The following CASK variants were observed in gnomAD, a reference collection of about 807,000 sequenced individuals.
The protein encoded by CASK is peripheral plasma membrane protein CASK.
In CASK, 4 loss-of-function variants were observed where a neutral mutation model predicts 82.9. That is an observed-to-expected ratio of 0.05 (90% CI 0.02 to 0.11). The LOEUF (loss-of-function observed/expected upper bound fraction) is 0.11. Among genes scored for constraint, CASK ranks in the 10% least tolerant of loss-of-function variants. The probability of loss-of-function intolerance (pLI) is 1.00; values close to 1 mark genes in which losing one functional copy is unlikely to be tolerated. For missense variants in CASK, 358 were observed against 720.9 expected, an observed-to-expected ratio of 0.50 and a Z score of 5.76; for synonymous variants, 259 against 253.5, an observed-to-expected ratio of 1.02 and a Z score of -0.20.
chrX:41,582,535 G>C (rs1003852700), intron 14 of CASK, among the ~76,000 whole-genome samples: 1 of 110,276 alleles, frequency 9.1e-6, no homozygotes, highest in African/African-American at 3.3e-5. Flanking sequence ...GGCTGGTCTC[G>C]AACTCCTGAC....
chrX:41,686,548 A>G (rs1249341685), intron 5 of CASK, among the ~76,000 whole-genome samples: 4 of 110,683 alleles, frequency 3.6e-5, no homozygotes, highest in Non-Finnish European at 7.6e-5. Flanking sequence ...AAGAACATAC[A>G]TTTCTAACAA....
Position 41,706,871 on chromosome X carries a change from T to C in CASK, c.429+32513A>G, listed in dbSNP as rs745561468. Among the ~76,000 whole-genome samples the C allele has an allele frequency of 5.4e-5, 6 of 111,686 alleles. No individual in the cohort carries two copies. In the South Asian group the frequency reaches 1.9e-3, roughly 35 times the overall value. ...AATACAAGAAACAACCAAAACAACATGACAGCTCCAAGACCAAAGTGGGAC... is the reference window on the plus strand; with the variant it reads ...AATACAAGAAACAACCAAAACAACACGACAGCTCCAAGACCAAAGTGGGAC... On this transcript the variant is annotated intron_variant, in intron 5 of 26. Transcript: ENST00000378163.
rs139684574 is a variant in CASK, at chrX:41,705,096, G to A, written c.430-33566C>T. ...ATCTGGATCAAGGGAGGTGGGGGAA[G>A]TAACTCAGAAAGAGTTATTTTATTC... On this transcript the variant is annotated intron_variant, in intron 5 of 26. Transcript: ENST00000378163. Among the ~76,000 whole-genome samples, 606 of 112,428 alleles carry A rather than the reference G, an allele frequency of 5.4e-3. 3 individuals are homozygous for A. The highest frequency in any genetic ancestry group is 0.014 in the Middle Eastern group (3 of 216).
chrX:41,680,535 A>G (rs982389891), intron 5 of CASK, among the ~76,000 whole-genome samples: 6 of 110,443 alleles, frequency 5.4e-5, no homozygotes, highest in Non-Finnish European at 9.5e-5. Flanking sequence ...TAAATCCATG[A>G]TGTGGGTACT....
chrX:41,604,539 C>A (rs1435102653), intron 12 of CASK, among the ~76,000 whole-genome samples: 3 of 108,751 alleles, frequency 2.8e-5, no homozygotes, highest in Non-Finnish European at 5.7e-5. Flanking sequence ...AGGGAGCATG[C>A]CCCTGCCAAT....
intron 3 of CASK, among the ~76,000 whole-genome samples, chrX:41,776,070 CAAAA>C (rs1388955336): frequency 9.0e-6 from 1 of 111,574 alleles, no homozygotes; most frequent in African/African-American, 3.3e-5. Context: ...AACAAAACAA[CAAAA>C]AAGTATAGTA....
chrX:41,677,898 C>T (rs763313520), intron 5 of CASK, among the ~76,000 whole-genome samples: 4 of 112,433 alleles, frequency 3.6e-5, no homozygotes, highest in East Asian at 2.8e-4. Context: ...AACAAACAAA[C>T]GAAAAACCCA....
chrX:41,708,922 C>T (rs756388636), intron 5 of CASK, among the ~76,000 whole-genome samples: 3 of 110,805 alleles, frequency 2.7e-5, no homozygotes, highest in Non-Finnish European at 5.7e-5. Context: ...AAGTTCAATA[C>T]TTTATTTGTA....
At chrX:41,919,259 T>C (rs1346762796) in intron 1 of CASK, 1 of 111,665 alleles carries the variant, frequency 9.0e-6, no homozygotes, top group Non-Finnish European at 1.9e-5. Context: ...AGTAAGCAAA[T>C]ACAGCATGCC....
chrX:41,655,394 G>A (rs1342089264), intron 8 of CASK, among the ~76,000 whole-genome samples: 3 of 110,646 alleles, frequency 2.7e-5, no homozygotes, highest in Middle Eastern at 4.2e-3. Flanking sequence ...TTTCCATCTC[G>A]GTGCATTTAC....
chrX:41,897,470 C>CT (rs1204277579), intron 1 of CASK, among the ~76,000 whole-genome samples: 1 of 111,507 alleles, frequency 9.0e-6, no homozygotes, highest in African/African-American at 3.2e-5. Flanking sequence ...TGTATAGTCC[C>CT]TTTTTTTCTC....
At chrX:41,744,950 C>A (rs1037188345) in intron 4 of CASK, among the ~76,000 whole-genome samples, 2 of 111,868 alleles carry the variant, frequency 1.8e-5, no homozygotes, top group African/African-American at 3.2e-5. Flanking sequence ...GTACAAAAAT[C>A]ATCAGAAATG....
chrX:41,818,303 A>T (rs977739198), intron 2 of CASK, among the ~76,000 whole-genome samples: 1 of 110,551 alleles, frequency 9.0e-6, no homozygotes, highest in Admixed American at 9.7e-5. Flanking sequence ...CCTGATTTCA[A>T]GACGTATAAA....
intron 3 of CASK, among the ~76,000 whole-genome samples, chrX:41,746,564 A>G (rs1294926909): frequency 9.0e-6 from 1 of 111,214 alleles, no homozygotes; most frequent in Non-Finnish European, 1.9e-5. Flanking sequence ...CATATTATAC[A>G]TATTAATGAA....
At chrX:41,766,757 C>T (rs1007113563) in intron 3 of CASK, among the ~76,000 whole-genome samples, 4 of 111,070 alleles carry the variant, frequency 3.6e-5, no homozygotes, top group East Asian at 5.7e-4. Flanking sequence ...CATGGTGACG[C>T]GCACCTGTAG....
rs766704532 is a variant in CASK at position 41,635,771 on chromosome X, T to TA, written c.915+806dup. The TA allele has an allele frequency of 3.9e-5, 4 of 102,191 alleles. No individual in the cohort carries two copies. The East Asian group carries it at 1.2e-3, about 31-fold the overall frequency. 8.4% of individuals were successfully genotyped at this position (102,191 alleles called of 1,213,427 possible). ...GAGTAGTAAGAGGGAGAAAGACACCTAGGAAGAATAAAGAAGGTGAGAAAA... is the reference window on the plus strand; with the variant it reads ...GAGTAGTAAGAGGGAGAAAGACACCTAAGGAAGAATAAAGAAGGTGAGAAAA... On this transcript the variant is annotated intron_variant, in intron 9 of 26. Transcript: ENST00000378163.
At chrX:41,606,585 G>A (rs183716395) in intron 12 of CASK, among the ~76,000 whole-genome samples, 1 of 111,708 alleles carries the variant, frequency 9.0e-6, no homozygotes, top group East Asian at 2.8e-4. Context: ...TCAGTTTGGA[G>A]ATTCAGAACC....
chrX:41,836,776 T>C (rs2070934715), intron 2 of CASK, among the ~76,000 whole-genome samples: 1 of 111,572 alleles, frequency 9.0e-6, no homozygotes, highest in African/African-American at 3.3e-5. Context: ...ACAATATCAA[T>C]TGCAAGCCAT....
intron 8 of CASK, among the ~76,000 whole-genome samples, chrX:41,649,582 TC>T (rs200564794): frequency 0.11 from 12,775 of 111,648 alleles, 711 homozygotes; most frequent in Middle Eastern, 0.18. Context: ...AGTTTCTTCA[TC>T]CTGAGTTCTA....
Sources: allele counts gnomAD v4.1 joint callset (sites outside exome capture counted in the v4.1 genomes callset), GRCh38; gene constraint gnomAD v4.1.1; transcripts MANE v1.5; gene names NCBI Gene and HGNC (gene_info 2026-07-23, HGNC 2026-07-21).